Variants in CSNK1G2 observed in about 807,000 individuals in gnomAD.
CSNK1G2 encodes the protein casein kinase 1 gamma 2.
Under a neutral mutation model 48.0 loss-of-function variants are expected in CSNK1G2, and 11 were observed. The ratio of observed to expected loss-of-function variants is 0.23; its 90% CI spans 0.14 to 0.38. The LOEUF is 0.38. Ranked by LOEUF, CSNK1G2 falls within the 10% of genes least tolerant of loss-of-function variation. The pLI, the probability that CSNK1G2 is intolerant of heterozygous loss-of-function variation, is 1.00. For synonymous variants in CSNK1G2, 337 were observed against 254.1 expected, an observed-to-expected ratio of 1.33 and a Z score of -3.10; for missense variants, 446 against 595.5, an observed-to-expected ratio of 0.75 and a Z score of 2.61.
At chr19:1,970,527 G>A (rs760539689) in intron 2 of CSNK1G2, among the ~76,000 whole-genome samples, 28 of 152,244 alleles carry the variant, frequency 1.8e-4, no homozygotes, top group Non-Finnish European at 3.4e-4. Flanking sequence ...GGCGTGAGGA[G>A]CAGGGCCGAG....
Position 1,978,651 on chromosome 19 carries a change from C to T in CSNK1G2, c.348C>T (p.Ala116=). ...TCGGTCCGTGCGGGAAGTACAACGC[C>T]ATGGTGCTGGAGCTGCTGGGGCCCA... ...YYFGPCGKYN[A]MVLELLGPSL... is the part of the protein sequence containing the mutation. Residue 116 remains alanine (A), a synonymous_variant, in exon 5 of 12, where the codon GCC becomes GCT. Coordinates refer to ENST00000255641, the MANE Select transcript of CSNK1G2 (RefSeq NM_001319.7). The surrounding 1 kb of genome is among the most constrained non-coding windows in gnomAD (Gnocchi z 7.3). The T allele has an allele frequency of 6.2e-7, 1 of 1,607,364 alleles. No homozygotes were observed. The highest frequency in any genetic ancestry group is 8.5e-7 in the Non-Finnish European group (1 of 1,177,342).
intron 1 of CSNK1G2, among the ~76,000 whole-genome samples, chr19:1,967,334 C>T (rs977345142): frequency 1.4e-4 from 22 of 152,254 alleles, no homozygotes; most frequent in Admixed American, 9.2e-4. Context: ...CCTCTTCACC[C>T]GCGGCCCCTA....
At chr19:1,972,741 G>A (rs2015614816) in intron 2 of CSNK1G2, among the ~76,000 whole-genome samples, 1 of 152,032 alleles carries the variant, frequency 6.6e-6, no homozygotes, top group South Asian at 2.1e-4. Flanking sequence ...TCTTGCCTCA[G>A]CCTCCCGAGT....
intron 1 of CSNK1G2, chr19:1,953,288 G>A (rs1280223687): frequency 1.7e-5 from 8 of 472,148 alleles, no homozygotes; most frequent in South Asian, 4.7e-5. Context: ...CTCTGCCCCC[G>A]GGCCACGGAG....
chr19:1,948,447 C>T (rs150841223), intron 1 of CSNK1G2, among the ~76,000 whole-genome samples: 9 of 146,760 alleles, frequency 6.1e-5, no homozygotes, highest in East Asian at 2.1e-4. Context: ...GGCATGAACC[C>T]GGGAGGCGAA....
intron 1 of CSNK1G2, chr19:1,953,639 G>A (rs1452195378): frequency 4.9e-6 from 2 of 406,664 alleles, no homozygotes; most frequent in Non-Finnish European, 1.0e-5. Context: ...AGCTCTGCCC[G>A]TGGCCCTCAC....
In CSNK1G2 at chr19:1,975,475, T is replaced by C. The variant is rs534675081; in HGVS notation, c.188-2830T>C. On this transcript the variant is annotated intron_variant, in intron 2 of 11. Coordinates refer to ENST00000255641, the MANE Select transcript of CSNK1G2 (RefSeq NM_001319.7). The stretch of plus-strand genomic sequence containing the variant: ...AGAACTGGAGACGGGAGGGCGTGCC[T>C]CAAGGGCAGATGGGCAAACCAAACC... 5 of 985,380 alleles carry C rather than the reference T, an allele frequency of 5.1e-6. No individual in the cohort carries two copies. The East Asian group carries it at 4.5e-4, about 90-fold the overall frequency. 61.0% of individuals were successfully genotyped at this position (985,380 alleles called of 1,614,324 possible). A position where few individuals can be genotyped will look rare whatever the true frequency, so the allele number is the denominator to read the frequency against.
intron 6 of CSNK1G2, 32 bp downstream of exon 6, chr19:1,979,125 G>GCCCGGAC: frequency 6.4e-7 from 1 of 1,569,132 alleles, no homozygotes; most frequent in Non-Finnish European, 8.6e-7. Context: ...GGGGGCGGGC[G>GCCCGGAC]CCCGGACCCC....
Position 1,978,954 on chromosome 19 carries a change from G to C in CSNK1G2, c.543G>C (p.Gln181His). ...TGGGCCGCCCGGGGACCAAGCGGCAGCATGCCATCCACATCATCGACTTCG... is the reference window on the plus strand; with the variant it reads ...TGGGCCGCCCGGGGACCAAGCGGCACCATGCCATCCACATCATCGACTTCG... ...FLVGRPGTKRQHAIHIIDFGL... is the reference protein window; with the variant it reads ...FLVGRPGTKRHHAIHIIDFGL... Residue 181 changes from glutamine to histidine, a missense_variant, in exon 6 of 12, where the codon CAG (glutamine) becomes CAC (histidine). This residue lies in a region of CSNK1G2 where 258 missense variants were observed against 415.9 expected (regional missense o/e 0.62). Coordinates refer to ENST00000255641, the MANE Select transcript of CSNK1G2 (RefSeq NM_001319.7). The surrounding 1 kb of genome is among the most constrained non-coding windows in gnomAD (Gnocchi z 7.3). 1 of 1,601,312 alleles carries C rather than the reference G, an allele frequency of 6.2e-7. No individual in the cohort carries two copies.
chr19:1,953,357 C>T lies in CSNK1G2; in HGVS notation c.-266+11939C>T, dbSNP rs200689183. Reference sequence around the variant, plus strand: ...AGGGTTGCTGTGGGGGCCTGTGCGCCATGGGGGCCTGGGTGGGGGTGTTCT... The same window carrying T: ...AGGGTTGCTGTGGGGGCCTGTGCGCTATGGGGGCCTGGGTGGGGGTGTTCT... On this transcript the variant is annotated intron_variant, in intron 1 of 11. Coordinates refer to ENST00000255641, the MANE Select transcript of CSNK1G2 (RefSeq NM_001319.7). The T allele has an allele frequency of 7.4e-4, 394 of 532,820 alleles. 6 individuals carry two copies. The highest frequency in any genetic ancestry group is 2.2e-4 in the East Asian group (4 of 18,358). 33.0% of individuals were successfully genotyped at this position (532,820 alleles called of 1,614,324 possible).
intron 2 of CSNK1G2, among the ~76,000 whole-genome samples, chr19:1,972,545 T>C (rs1436656520): frequency 6.6e-6 from 1 of 152,244 alleles, no homozygotes; most frequent in Non-Finnish European, 1.5e-5. Flanking sequence ...TCTGTGTTGG[T>C]ACTTTTTCAA....
intron 1 of CSNK1G2, among the ~76,000 whole-genome samples, chr19:1,960,663 G>A (rs2015168420): frequency 6.6e-6 from 1 of 152,178 alleles, no homozygotes; most frequent in Non-Finnish European, 1.5e-5. Flanking sequence ...TAAGGTGGGT[G>A]GATCACTTGA....
chr19:1,956,944 C>T (rs2015020469), intron 1 of CSNK1G2, among the ~76,000 whole-genome samples: 1 of 152,196 alleles, frequency 6.6e-6, no homozygotes, highest in South Asian at 2.1e-4. Context: ...GGTTTCTCAG[C>T]AGAAGGAACT....
intron 2 of CSNK1G2, among the ~76,000 whole-genome samples, chr19:1,977,734 C>T (rs896890463): frequency 9.9e-5 from 13 of 131,692 alleles, no homozygotes; most frequent in African/African-American, 3.8e-4. Context: ...GACTGGGCAA[C>T]AGAGCGACAC....
At chr19:1,967,656 C>G (rs2015406811) in intron 1 of CSNK1G2, among the ~76,000 whole-genome samples, 1 of 144,030 alleles carries the variant, frequency 6.9e-6, no homozygotes, top group Non-Finnish European at 1.5e-5. Flanking sequence ...TGCCACCCTT[C>G]AGTTCTGCAG....
At chr19:1,961,148 C>T (rs547438019) in intron 1 of CSNK1G2, among the ~76,000 whole-genome samples, 1 of 152,370 alleles carries the variant, frequency 6.6e-6, no homozygotes. Context: ...GATGGACGGG[C>T]TGTGACAGGG....
chr19:1,979,772 C>G lies in CSNK1G2; in HGVS notation c.1023C>G (p.Val341=), dbSNP rs139773586. 2,665 of 1,606,904 alleles carry G rather than the reference C, an allele frequency of 1.7e-3. 7 individuals carry two copies. Among genetic ancestry groups the G allele is most frequent in the Non-Finnish European group, 1.9e-3 (2,267 of 1,179,094 alleles). The change falls in exon 10 of 12, where the codon GTC becomes GTG. Residue 341 remains valine (V), a synonymous_variant. Transcript: ENST00000255641. The part of the protein sequence containing the change: ...GKPLPTPIGT[V]HTDLPSQPQL... ...CACAGCCGACCCCCATCGGCACCGT[C>G]CACACCGACCTGCCCTCCCAGCCTC...
chr19:1,972,679 G>C (rs1185169638), intron 2 of CSNK1G2, among the ~76,000 whole-genome samples: 1 of 152,184 alleles, frequency 6.6e-6, no homozygotes, highest in African/African-American at 2.4e-5. Context: ...CTGGAGTGCA[G>C]TGGCACCATC....
rs1443441734 is a variant in CSNK1G2 at position 1,957,238 on chromosome 19, T to C, written c.-265-12270T>C. On this transcript the variant is annotated intron_variant, in intron 1 of 11. Coordinates refer to ENST00000255641, the MANE Select transcript of CSNK1G2 (RefSeq NM_001319.7). This position sits in a 1 kb window ranked among gnomAD's most constrained non-coding sequence, Gnocchi z 5.4. ...GGCCACCGTGTCAGGAGGGATAGCC[T>C]ACACGGAGAGCAGGCCAGTGGCCCT... is the stretch of plus-strand genomic sequence containing the variant. Among the ~76,000 whole-genome samples, 2 of 152,162 alleles carry C rather than the reference T, an allele frequency of 1.3e-5. No individual in the cohort carries two copies. The highest frequency in any genetic ancestry group is 2.4e-5 in the African/African-American group (1 of 41,440).
Sources: allele counts gnomAD v4.1 joint callset (sites outside exome capture counted in the v4.1 genomes callset), GRCh38; gene constraint gnomAD v4.1.1; regional missense constraint gnomAD v4.1.1; non-coding constraint Gnocchi (gnomAD v3.1); transcripts MANE v1.5; gene names NCBI Gene and HGNC (gene_info 2026-07-23, HGNC 2026-07-21).